The following WDR27 variants were observed in gnomAD, a reference collection of about 807,000 sequenced individuals.
WDR27 encodes the protein WD repeat-containing protein 27.
In WDR27, 100 loss-of-function variants were observed where a neutral mutation model predicts 114.4. The ratio of observed to expected loss-of-function variants is 0.87; its 90% CI spans 0.74 to 1.03. WDR27 has a LOEUF of 1.03. WDR27 is among the 50% of genes least tolerant of loss of function. WDR27 has a pLI of 0.00. For missense variants in WDR27, 1,129 were observed against 1,092.9 expected (o/e 1.03, Z -0.47); for synonymous variants, 449 against 423.1 (o/e 1.06, Z -0.75).
At chr6:169,595,370 C>T (rs1806581435) in intron 23 of WDR27, among the ~76,000 whole-genome samples, 1 of 152,158 alleles carries the variant, frequency 6.6e-6, no homozygotes, top group Non-Finnish European at 1.5e-5. Flanking sequence ...TTATGCAAAA[C>T]TCTTGGTCCA....
intron 18 of WDR27, among the ~76,000 whole-genome samples, chr6:169,638,132 A>C (rs992242891): frequency 1.6e-5 from 2 of 126,654 alleles, no homozygotes; most frequent in Non-Finnish European, 3.2e-5. Flanking sequence ...CTGGCTAACA[A>C]GGTGAAACCC....
chr6:169,580,922 C>A (rs1051994308), intron 24 of WDR27, among the ~76,000 whole-genome samples: 1 of 129,106 alleles, frequency 7.7e-6, no homozygotes, highest in Non-Finnish European at 1.6e-5. Flanking sequence ...AAATAAGGAA[C>A]TTAGTGAATT....
At chr6:169,677,637 C>G (rs1466056010) in intron 2 of WDR27, among the ~76,000 whole-genome samples, 3 of 152,244 alleles carry the variant, frequency 2.0e-5, no homozygotes, top group Admixed American at 6.5e-5. Context: ...AAAAAAGAAC[C>G]AAAGGCTGAT....
chr6:169,495,657 C>A (rs1359085940), intron 25 of WDR27, among the ~76,000 whole-genome samples: 1 of 151,996 alleles, frequency 6.6e-6, no homozygotes, highest in Non-Finnish European at 1.5e-5. Flanking sequence ...CAACTGTATA[C>A]CAAACAATTT....
At chr6:169,694,211 G>A (rs1197270891) in intron 1 of WDR27, among the ~76,000 whole-genome samples, 1 of 152,124 alleles carries the variant, frequency 6.6e-6, no homozygotes, top group African/African-American at 2.4e-5. Context: ...AGGAGGCTGA[G>A]GCAGGAGTAT....
At chr6:169,545,533 T>A (rs925849919) in intron 25 of WDR27, among the ~76,000 whole-genome samples, 1 of 151,964 alleles carries the variant, frequency 6.6e-6, no homozygotes, top group African/African-American at 2.4e-5. Context: ...AATACAAAAA[T>A]TAGTGCAGCG....
intron 25 of WDR27, among the ~76,000 whole-genome samples, chr6:169,470,066 C>T (rs1247556895): frequency 6.6e-6 from 1 of 152,200 alleles, no homozygotes; most frequent in Non-Finnish European, 1.5e-5. Flanking sequence ...CCATTGCTCA[C>T]AAGTTCTACT....
chr6:169,583,493 ATATATATATATG>A (rs1426369692), intron 23 of WDR27, among the ~76,000 whole-genome samples: 382 of 14,936 alleles, frequency 0.026, 2 homozygotes, highest in South Asian at 0.067. Context: ...ATATACATAT[ATATATATATATG>A]TATATATACA....
intron 25 of WDR27, among the ~76,000 whole-genome samples, chr6:169,554,564 A>T (rs906642259): frequency 3.9e-5 from 6 of 152,226 alleles, no homozygotes; most frequent in African/African-American, 1.4e-4. Flanking sequence ...ATCCTTAAAA[A>T]TATAAGCATT....
chr6:169,607,191 G>T lies in WDR27; in HGVS notation c.2322-4870C>A, dbSNP rs1809379235. On this transcript the variant is annotated intron_variant, in intron 22 of 25. Coordinates refer to ENST00000448612, the MANE Select transcript of WDR27 (RefSeq NM_182552.5). ...CAAAACAATGTGAAGATCTCTCAAA[G>T]AACTAAAAATATAACTACCGTTCAT... is the stretch of plus-strand genomic sequence containing the variant. Among the ~76,000 whole-genome samples the T allele has an allele frequency of 2.6e-5, 4 of 151,608 alleles. 1 individual carries two copies. In the Middle Eastern group the frequency reaches 0.014, roughly 516 times the overall value.
chr6:169,671,350 G>A (rs1205854757), intron 3 of WDR27: 1 of 152,282 alleles, frequency 6.6e-6, no homozygotes, highest in Non-Finnish European at 1.5e-5. Context: ...TCTAGACAGA[G>A]ACACGTGCTC....
chr6:169,553,070 G>A (rs1562571980), intron 25 of WDR27, among the ~76,000 whole-genome samples: 9 of 147,752 alleles, frequency 6.1e-5, no homozygotes, highest in South Asian at 2.2e-4. Context: ...GTGTGTGTGT[G>A]TGTGTGTGTG....
intron 8 of WDR27, among the ~76,000 whole-genome samples, chr6:169,662,817 G>A (rs12524417): frequency 5.7e-3 from 627 of 110,740 alleles, no homozygotes; most frequent in East Asian, 0.031. Flanking sequence ...ATCACGTGTC[G>A]AGGAAAGCAC....
the WDR27 span, among the ~76,000 whole-genome samples, chr6:169,435,361 C>A: frequency 5.0e-4 from 76 of 152,292 alleles, no homozygotes; most frequent in African/African-American, 1.8e-3. Context: ...ATCCTCCAGA[C>A]CCCGGAATGG....
intron 25 of WDR27, among the ~76,000 whole-genome samples, chr6:169,538,595 CA>C (rs1796466590): frequency 6.6e-6 from 1 of 151,130 alleles, no homozygotes; most frequent in Non-Finnish European, 1.5e-5. Flanking sequence ...TTTTTCATTC[CA>C]GGAAAACTCA....
rs767585779 is a variant in WDR27 at position 169,647,827 on chromosome 6, G to A, written c.1603C>T (p.Pro535Ser). The A allele has an allele frequency of 4.4e-6, 7 of 1,583,454 alleles. No individual in the cohort carries two copies. The highest frequency in any genetic ancestry group is 6.0e-6 in the Non-Finnish European group (7 of 1,165,704). Residue 535 changes from proline (P) to serine (S), a missense_variant, in exon 16 of 26, where the codon CCC becomes TCC. By Grantham distance (74) the Pro-to-Ser change is moderately conservative. Coordinates refer to ENST00000448612, the MANE Select transcript of WDR27 (RefSeq NM_182552.5). ...CAGGTGGGGGCGGCAGCGACCTGGG[G>A]GCCGGGCTTGGTGGGCACAGCGCAC... ...VECAVPTKPGPQVAAAPTCTR... is the reference protein window; with the variant it reads ...VECAVPTKPGSQVAAAPTCTR...
chr6:169,577,406 A>T (rs1802565828), intron 24 of WDR27, among the ~76,000 whole-genome samples: 1 of 151,992 alleles, frequency 6.6e-6, no homozygotes, highest in Non-Finnish European at 1.5e-5. Context: ...CCACAGGGAA[A>T]GGGGACTTGG....
In WDR27 at chr6:169,472,263, C is replaced by T. The variant is rs574792702; in HGVS notation, c.2646-14629G>A. ...GGCAATGCCCTGAGTCTGCTAGATA[C>T]ATACATACATAAAATGTCCTGCATT... On this transcript the variant is annotated intron_variant, in intron 25 of 25. Transcript: ENST00000448612. 1.1e-3 allele frequency among the ~76,000 whole-genome samples: 172 copies of T among 152,290 alleles called. No individual in the cohort carries two copies. In the Middle Eastern group the frequency reaches 0.02, roughly 18 times the overall value.
chr6:169,552,283 C>A (rs1301579242), intron 25 of WDR27, among the ~76,000 whole-genome samples: 2 of 152,144 alleles, frequency 1.3e-5, no homozygotes, highest in Non-Finnish European at 2.9e-5. Flanking sequence ...AACCCGTGGC[C>A]TTTTAATAAG....
Sources: gnomAD v4.1 joint callset for allele counts (sites outside exome capture counted in the v4.1 genomes callset) on GRCh38, gnomAD v4.1.1 for gene constraint, MANE v1.5 for transcripts, NCBI Gene and HGNC (gene_info 2026-07-23, HGNC 2026-07-21) for gene names.